Variants in GALNTL6 observed in about 807,000 individuals in gnomAD.
GALNTL6 encodes the protein polypeptide N-acetylgalactosaminyltransferase-like 6.
In GALNTL6, 46 loss-of-function variants were observed where a neutral mutation model predicts 73.7. The observed-to-expected ratio is 0.62, with a 90% CI of 0.49 to 0.80. The LOEUF (loss-of-function observed/expected upper bound fraction) is 0.80. Among genes scored for constraint, GALNTL6 ranks in the 30% least tolerant of loss-of-function variants. The pLI is 0.00. For missense variants in GALNTL6, 604 were observed against 755.0 expected (o/e 0.80, Z 2.34); for synonymous variants, 259 against 263.7 (o/e 0.98, Z 0.17).
chr4:172,936,816 A>G (rs903449738), intron 9 of GALNTL6, among the ~76,000 whole-genome samples: 1 of 152,124 alleles, frequency 6.6e-6, no homozygotes, highest in Non-Finnish European at 1.5e-5. Flanking sequence ...CTGAAGTCAA[A>G]TCTCATAAAA....
chr4:172,618,032 C>T (rs1241751166), intron 5 of GALNTL6, among the ~76,000 whole-genome samples: 1 of 152,156 alleles, frequency 6.6e-6, no homozygotes, highest in African/African-American at 2.4e-5. Context: ...GGCATAAATG[C>T]ACAAAGGAAT....
intron 2 of GALNTL6, among the ~76,000 whole-genome samples, chr4:172,030,201 A>T (rs1160837589): frequency 1.3e-5 from 2 of 152,142 alleles, no homozygotes; most frequent in Non-Finnish European, 2.9e-5. Context: ...GCCATGTTAC[A>T]TATTTAGGTA....
intron 7 of GALNTL6, among the ~76,000 whole-genome samples, chr4:172,855,419 TAAAG>T (rs936682427): frequency 1.3e-5 from 2 of 152,160 alleles, no homozygotes; most frequent in African/African-American, 4.8e-5. Context: ...AATTTAAGTT[TAAAG>T]AAAGAAGTAA....
chr4:172,438,598 C>A (rs889026978), intron 5 of GALNTL6, among the ~76,000 whole-genome samples: 3 of 152,054 alleles, frequency 2.0e-5, no homozygotes, highest in Non-Finnish European at 4.4e-5. Flanking sequence ...AAAACTCTAG[C>A]ATTTGTTAAA....
chr4:172,923,313 G>A (rs770223011), intron 8 of GALNTL6, among the ~76,000 whole-genome samples: 2 of 151,854 alleles, frequency 1.3e-5, no homozygotes, highest in Non-Finnish European at 2.9e-5. Flanking sequence ...GAACTTGTGA[G>A]GGGAATCCCT....
chr4:172,520,634 G>A (rs1307095522), intron 5 of GALNTL6, among the ~76,000 whole-genome samples: 1 of 151,336 alleles, frequency 6.6e-6, no homozygotes, highest in Non-Finnish European at 1.5e-5. Flanking sequence ...TGTGAAGAAT[G>A]TTGATGAATA....
rs192592025 is a variant in GALNTL6 at position 172,140,852 on chromosome 4, A to T, written c.139-88804A>T. On this transcript the variant is annotated intron_variant, in intron 2 of 12. Coordinates refer to ENST00000506823, the MANE Select transcript of GALNTL6 (RefSeq NM_001034845.3). The stretch of plus-strand genomic sequence containing the variant: ...ATTTGTTTGTTTTCTATCAAGTATC[A>T]TTGGCACTCAGGATTAAAAGGAGGA... Among the ~76,000 whole-genome samples, 5 of 152,140 alleles carry T rather than the reference A, an allele frequency of 3.3e-5. No homozygotes were observed. The East Asian group carries it at 9.6e-4, about 29-fold the overall frequency.
intron 4 of GALNTL6, among the ~76,000 whole-genome samples, chr4:172,313,713 A>G (rs1740445590): frequency 6.6e-6 from 1 of 152,226 alleles, no homozygotes; most frequent in Non-Finnish European, 1.5e-5. Context: ...TGGCCAAAAT[A>G]TAATCTGGGA....
chr4:172,392,421 G>C (rs1264897871), intron 5 of GALNTL6, among the ~76,000 whole-genome samples: 1 of 151,484 alleles, frequency 6.6e-6, no homozygotes, highest in African/African-American at 2.4e-5. Flanking sequence ...TCTTTGACAA[G>C]TAAAAACTTC....
At chr4:171,880,098 A>C (rs1017960509) in intron 2 of GALNTL6, among the ~76,000 whole-genome samples, 2 of 152,184 alleles carry the variant, frequency 1.3e-5, no homozygotes, top group African/African-American at 4.8e-5. Context: ...CATCTAAGGT[A>C]AAATTCTAAA....
chr4:172,971,272 G>A (rs974917951), intron 10 of GALNTL6, among the ~76,000 whole-genome samples: 2 of 152,206 alleles, frequency 1.3e-5, no homozygotes, highest in Admixed American at 1.3e-4. Flanking sequence ...ATTATAGTCT[G>A]TGATATTCTG....
chr4:172,386,655 G>A (rs1456730620), intron 5 of GALNTL6, among the ~76,000 whole-genome samples: 1 of 152,122 alleles, frequency 6.6e-6, no homozygotes, highest in Non-Finnish European at 1.5e-5. Flanking sequence ...AACCAGGGAA[G>A]CCAATGGAGT....
chr4:172,841,201 T>C (rs1743187648), intron 7 of GALNTL6, among the ~76,000 whole-genome samples: 2 of 152,220 alleles, frequency 1.3e-5, no homozygotes, highest in Admixed American at 1.3e-4. Flanking sequence ...CTACTGGAAA[T>C]GGCTGCATTA....
chr4:171,844,648 G>A (rs1735324690), intron 2 of GALNTL6, among the ~76,000 whole-genome samples: 1 of 152,136 alleles, frequency 6.6e-6, no homozygotes, highest in Non-Finnish European at 1.5e-5. Flanking sequence ...TTTCACTTGT[G>A]GGTGCTGGAT....
At chr4:172,757,365 T>G (rs1482499797) in intron 5 of GALNTL6, among the ~76,000 whole-genome samples, 1 of 152,218 alleles carries the variant, frequency 6.6e-6, no homozygotes, top group Non-Finnish European at 1.5e-5. Flanking sequence ...ATTCAGAAAT[T>G]AATGTACTAT....
chr4:171,979,033 T>C (rs1381878282), intron 2 of GALNTL6, among the ~76,000 whole-genome samples: 3 of 152,176 alleles, frequency 2.0e-5, no homozygotes, highest in Non-Finnish European at 2.9e-5. Context: ...TTCTGTTCTG[T>C]CGCTTCCCAG....
At chr4:172,362,904 A>G (rs557172646) in intron 5 of GALNTL6, among the ~76,000 whole-genome samples, 2 of 152,188 alleles carry the variant, frequency 1.3e-5, no homozygotes, top group South Asian at 2.1e-4. Flanking sequence ...TTCTCATTCC[A>G]TTCAACTGAG....
At chr4:172,779,956 C>T (rs759228190) in intron 5 of GALNTL6, among the ~76,000 whole-genome samples, 6 of 152,090 alleles carry the variant, frequency 3.9e-5, no homozygotes, top group Admixed American at 1.3e-4. Context: ...AAAAAGTATT[C>T]GTTCCTCTGT....
At chr4:172,603,486 A>G (rs1738143376) in intron 5 of GALNTL6, among the ~76,000 whole-genome samples, 1 of 152,186 alleles carries the variant, frequency 6.6e-6, no homozygotes, top group African/African-American at 2.4e-5. Flanking sequence ...CTTTTGAACA[A>G]CACTGCAGTT....
Sources: allele counts gnomAD v4.1 joint callset (sites outside exome capture counted in the v4.1 genomes callset), GRCh38; gene constraint gnomAD v4.1.1; transcripts MANE v1.5; gene names NCBI Gene and HGNC (gene_info 2026-07-23, HGNC 2026-07-21).